Variants in SLC9A3 observed in about 807,000 individuals in gnomAD.
The protein encoded by SLC9A3 is sodium/hydrogen exchanger 3.
Under a neutral mutation model 86.8 loss-of-function variants are expected in SLC9A3, and 37 were observed. The observed-to-expected ratio is 0.43, with a 90% CI of 0.33 to 0.56. The LOEUF (loss-of-function observed/expected upper bound fraction) is 0.56, where lower values mean the gene tolerates loss of function less well. SLC9A3 is among the 20% of genes least tolerant of loss of function. SLC9A3 has a pLI of 0.06. For synonymous variants in SLC9A3, 581 were observed against 528.3 expected, an observed-to-expected ratio of 1.10 and a Z score of -1.37; for missense variants, 1,011 against 1,171.9, an observed-to-expected ratio of 0.86 and a Z score of 2.00.
At chr5:479,491 TG>T (rs1739012489) in intron 10 of SLC9A3, 2 of 270,112 alleles carry the variant, frequency 7.4e-6, no homozygotes, top group East Asian at 2.2e-4. Flanking sequence ...CTGCGTGTGC[TG>T]GGGCAGGCAG....
Position 476,363 on chromosome 5 carries a change from T to A in SLC9A3, c.1906A>T (p.Ser636Cys). 4 of 1,613,824 alleles carry A rather than the reference T, an allele frequency of 2.5e-6. No homozygotes were observed. Among genetic ancestry groups the A allele is most frequent in the Non-Finnish European group, 3.4e-6 (4 of 1,180,002 alleles). The change falls in exon 13 of 17, where the codon AGC becomes TGC. Residue 636 changes from serine (S) to cysteine (C), a missense_variant. Ser to Cys is a moderately radical substitution (Grantham distance 112, BLOSUM62 -1). Coordinates refer to ENST00000264938, the MANE Select transcript of SLC9A3 (RefSeq NM_004174.4). Reference protein sequence around the residue: ...KPRQEYKHLYSRHELTPTEDE... With the variant: ...KPRQEYKHLYCRHELTPTEDE... ...TCCGTGGGCGTGAGCTCGTGTCGGC[T>A]GTACAGATGCTTGTACTGCGGGATC...
chr5:487,040 C>CGTGATCCAGA, intron 3 of SLC9A3, among the ~76,000 whole-genome samples: 2 of 15,158 alleles, frequency 1.3e-4, no homozygotes, highest in African/African-American at 4.5e-4. Flanking sequence ...ACACTGACAC[C>CGTGATCCAGA]CACCGCACTG....
intron 1 of SLC9A3, among the ~76,000 whole-genome samples, chr5:499,574 A>C (rs1240765585): frequency 6.6e-6 from 1 of 152,184 alleles, no homozygotes; most frequent in African/African-American, 2.4e-5. Flanking sequence ...CCTGTGTGGA[A>C]ACGTCCCCAC....
intron 1 of SLC9A3, among the ~76,000 whole-genome samples, chr5:501,150 GGCGCT>G (rs1267117033): frequency 2.0e-5 from 3 of 152,172 alleles, no homozygotes; most frequent in African/African-American, 4.8e-5. Flanking sequence ...AGGAAGGGCC[GGCGCT>G]GGCAAACCAG....
chr5:484,499 G>A (rs536834266), intron 5 of SLC9A3, 21 bp downstream of exon 5: 80 of 1,611,034 alleles, frequency 5.0e-5, no homozygotes, highest in Middle Eastern at 1.7e-4. Context: ...GGAGAAGCTC[G>A]CGTGTGTGGG....
Position 473,268 on chromosome 5 carries a change from G to GGTCGCT in SLC9A3, c.*105_*110dup. ...GGGCGAGGCGGGGCTCGGGGCTCGC[G>GGTCGCT]GTCGCTGTAGCCGCGCGGGGATCTG... is the stretch of plus-strand genomic sequence containing the variant. On this transcript the variant is annotated 3_prime_UTR_variant, in exon 17 of 17. Transcript: ENST00000264938. 8.5e-7 allele frequency: 1 copy of GGTCGCT among 1,171,372 alleles called. No individual in the cohort carries two copies. The highest frequency in any genetic ancestry group is 1.1e-6 in the Non-Finnish European group (1 of 919,082). The allele number at this position is 1,171,372 out of a possible 1,614,324, so 72.6% of individuals were successfully genotyped here.
At chr5:492,232 A>G (rs182477374) in intron 1 of SLC9A3, among the ~76,000 whole-genome samples, 161 bp from the exon 2 acceptor site, 38 of 3,566 alleles carry the variant, frequency 0.011, 2 homozygotes, top group Non-Finnish European at 0.016. Context: ...GGACTCGTGG[A>G]GGAAGGGAGG....
intron 2 of SLC9A3, among the ~76,000 whole-genome samples, chr5:489,858 A>C (rs1260552859): frequency 1.3e-5 from 2 of 152,176 alleles, no homozygotes; most frequent in Non-Finnish European, 2.9e-5. Context: ...CGGCCGTGCC[A>C]GGAGGGCTCA....
Position 476,054 on chromosome 5 carries a change from C to T in SLC9A3, c.2106G>A (p.Glu702=). The change falls in exon 14 of 17, where the codon GAG becomes GAA. Residue 702 remains glutamate (E), a synonymous_variant. Transcript: ENST00000264938. ...TGATGGTGAAATTCTGCGCAGGGCT[C>T]TCCATGGGCAGCTTCCCATTGGGGA... is the stretch of plus-strand genomic sequence containing the variant. ...SSIPNGKLPM[E]SPAQNFTIKE... 9 of 1,613,338 alleles carry T rather than the reference C, an allele frequency of 5.6e-6. No individual in the cohort carries two copies. The highest frequency in any genetic ancestry group is 6.8e-6 in the Non-Finnish European group (8 of 1,179,898).
Position 476,250 on chromosome 5 carries a change from C to T in SLC9A3, c.2019G>A (p.Gln673=), listed in dbSNP as rs201562112. 2.9e-5 allele frequency: 46 copies of T among 1,613,980 alleles called. No individual in the cohort carries two copies. Among genetic ancestry groups the T allele is most frequent in the Admixed American group, 2.5e-4 (15 of 60,030 alleles). ...SFKSTKLGLN[Q]NKKAAKLYKR... is the part of the protein sequence containing the mutation. ...TGTACAGCTTGGCCGCCTTCTTGTT[C>T]TGGTTGAGCCCCAGCTTGGTCGACT... The change falls in exon 13 of 17, where the codon CAG becomes CAA. Residue 673 remains glutamine, a synonymous_variant. Transcript: ENST00000264938.
chr5:488,195 C>CG (rs1560958416), intron 3 of SLC9A3, 121 bp downstream of exon 3: 15 of 1,125,518 alleles, frequency 1.3e-5, no homozygotes, highest in Middle Eastern at 2.0e-4. Flanking sequence ...GGGACGCCCC[C>CG]GGGAGGGGAG....
At chr5:498,701 C>T (rs1740137330) in intron 1 of SLC9A3, among the ~76,000 whole-genome samples, 1 of 152,234 alleles carries the variant, frequency 6.6e-6, no homozygotes, top group Non-Finnish European at 1.5e-5. Context: ...CGTGCCTGGC[C>T]AACCGTGTCT....
chr5:494,240 A>G (rs1739922914), intron 1 of SLC9A3, among the ~76,000 whole-genome samples: 1 of 152,200 alleles, frequency 6.6e-6, no homozygotes, highest in Non-Finnish European at 1.5e-5. Flanking sequence ...CCCTCCCCAG[A>G]TCTGGGCTCA....
At chr5:505,100 C>T (rs2126643689) in intron 1 of SLC9A3, among the ~76,000 whole-genome samples, 1 of 149,998 alleles carries the variant, frequency 6.7e-6, no homozygotes, top group Admixed American at 6.6e-5. Flanking sequence ...TCCCGGGTGG[C>T]TGGAGACCTG....
intron 15 of SLC9A3, 148 bp from the exon 16 acceptor site, chr5:475,280 TCC>T: frequency 1.3e-6 from 1 of 775,514 alleles, no homozygotes; most frequent in Non-Finnish European, 2.0e-6. Context: ...TGCGGGCCCT[TCC>T]CCCACATCCA....
intron 1 of SLC9A3, among the ~76,000 whole-genome samples, chr5:522,796 G>A (rs191057157): frequency 6.6e-6 from 1 of 152,204 alleles, no homozygotes; most frequent in East Asian, 1.9e-4. Context: ...CACCAGGGGG[G>A]CACTCCCGTC....
chr5:511,223 A>T (rs1740856718), intron 1 of SLC9A3, among the ~76,000 whole-genome samples: 1 of 152,214 alleles, frequency 6.6e-6, no homozygotes, highest in African/African-American at 2.4e-5. Context: ...TAAAAGACAG[A>T]ACTATAAAAT....
intron 10 of SLC9A3, chr5:479,517 C>CATTAAAA: frequency 3.0e-6 from 1 of 333,272 alleles, no homozygotes; most frequent in Non-Finnish European, 5.8e-6. Flanking sequence ...GTATTGGGAC[C>CATTAAAA]AGGTCCCGTA....
intron 1 of SLC9A3, among the ~76,000 whole-genome samples, chr5:519,030 GTTTTATAGCCTACAGCTGA>G (rs1733811439): frequency 6.6e-6 from 1 of 152,168 alleles, no homozygotes; most frequent in Non-Finnish European, 1.5e-5. Flanking sequence ...GCCATGGATT[GTTTTATAGCCTACAGCTGA>G]TTCTCCGTGG....
Sources: allele counts gnomAD v4.1 joint callset (sites outside exome capture counted in the v4.1 genomes callset), GRCh38; gene constraint gnomAD v4.1.1; transcripts MANE v1.5; gene names NCBI Gene and HGNC (gene_info 2026-07-23, HGNC 2026-07-21).